Variants in MGAT3 observed in about 807,000 individuals in gnomAD.
MGAT3 encodes GlcNAc-T III.
In MGAT3, 9 loss-of-function variants were observed where a neutral mutation model predicts 29.8. That is an observed-to-expected ratio of 0.30 (90% CI 0.18 to 0.53). The LOEUF (loss-of-function observed/expected upper bound fraction) is 0.53. Among genes scored for constraint, MGAT3 ranks in the 20% least tolerant of loss-of-function variants. The pLI is 0.96. For synonymous variants in MGAT3, 397 were observed against 348.9 expected (o/e 1.14, Z -1.54); for missense variants, 557 against 769.5 (o/e 0.72, Z 3.27).
At chr22:39,459,188 C>T (rs1568997731) in intron 1 of MGAT3, among the ~76,000 whole-genome samples, 1 of 151,986 alleles carries the variant, frequency 6.6e-6, no homozygotes, top group African/African-American at 2.4e-5. Flanking sequence ...ATTGTCCCAC[C>T]TCGGCCTCCC....
At chr22:39,486,147 T>G in intron 1 of MGAT3, 1 of 171,842 alleles carries the variant, frequency 5.8e-6, no homozygotes, top group Admixed American at 7.1e-5. Flanking sequence ...ACCTCAAATT[T>G]TTTTTTTTTT....
chr22:39,488,836 C>T lies in MGAT3; in HGVS notation c.1489C>T (p.Leu497=), dbSNP rs763651775. 1.9e-6 allele frequency: 3 copies of T among 1,608,916 alleles called. No individual in the cohort carries two copies. Among genetic ancestry groups the T allele is most frequent in the Non-Finnish European group, 1.7e-6 (2 of 1,177,820 alleles). Residue 497 remains leucine (L), a synonymous_variant, in exon 2 of 2, where the codon CTG becomes TTG. Transcript: ENST00000341184. ...LLKNYDRFHY[L]LDNPYQEPRS... ...GAAGAACTACGACCGGTTCCACTAC[C>T]TGCTGGACAACCCCTACCAGGAGCC...
In MGAT3 at chr22:39,459,967, G is replaced by A. The variant is rs573217277; in HGVS notation, c.-2+2410G>A. On this transcript the variant is annotated intron_variant, in intron 1 of 1. Coordinates refer to ENST00000341184, the MANE Select transcript of MGAT3 (RefSeq NM_002409.5). ...GAGAGGGCTGGGCTGGACGTGAACG[G>A]CAGAGAGCTGAGGGTGGGGGAACTG... Among the ~76,000 whole-genome samples the A allele has an allele frequency of 2.0e-5, 3 of 152,372 alleles. No individual in the cohort carries two copies. In the South Asian group the frequency reaches 6.2e-4, roughly 32 times the overall value.
In MGAT3 at chr22:39,488,033, G is replaced by A; in HGVS notation, c.686G>A (p.Gly229Asp). The A allele has an allele frequency of 4.3e-6, 7 of 1,613,318 alleles. No homozygotes were observed. Among genetic ancestry groups the A allele is most frequent in the Non-Finnish European group, 5.9e-6 (7 of 1,179,850 alleles). Residue 229 changes from glycine (G) to aspartate (D), a missense_variant, in exon 2 of 2, where the codon GGC becomes GAC. By Grantham distance (94) the Gly-to-Asp change is moderately conservative (BLOSUM62 -1). Around this residue, in one of 3 missense-constraint regions of MGAT3, gnomAD observed 243 missense variants for 444.0 expected, o/e 0.55. Transcript: ENST00000341184. ...CTGGACGTGCGCTTCCACGAGCTGG[G>A]CGACGTGGTGGACGCCTTTGTGGTG... is the stretch of plus-strand genomic sequence containing the variant. ...DLLDVRFHEL[G>D]DVVDAFVVCE...
chr22:39,462,884 G>A (rs965575473), intron 1 of MGAT3, among the ~76,000 whole-genome samples: 19 of 152,292 alleles, frequency 1.2e-4, no homozygotes, highest in Middle Eastern at 3.4e-3. Flanking sequence ...GGTTCTTACC[G>A]AAGTGGGAAT....
chr22:39,490,373 T>C lies in MGAT3; in HGVS notation c.*1424T>C, dbSNP rs114281878. ...GGCCACAAGCAGCTGCTAGGGAACCTGGGAAGTGTAGTCTTCAGCGGGGCC... is the reference window on the plus strand; with the variant it reads ...GGCCACAAGCAGCTGCTAGGGAACCCGGGAAGTGTAGTCTTCAGCGGGGCC... On this transcript the variant is annotated 3_prime_UTR_variant, in exon 2 of 2. Coordinates refer to ENST00000341184, the MANE Select transcript of MGAT3 (RefSeq NM_002409.5). 5.6e-4 allele frequency: 94 copies of C among 167,208 alleles called. No homozygotes were observed. Among genetic ancestry groups the C allele is most frequent in the African/African-American group, 2.2e-3 (92 of 41,580 alleles). 10.4% of individuals were successfully genotyped at this position (167,208 alleles called of 1,614,324 possible).
At chr22:39,474,559 C>T (rs902619757) in intron 1 of MGAT3, among the ~76,000 whole-genome samples, 1 of 152,226 alleles carries the variant, frequency 6.6e-6, no homozygotes, top group Admixed American at 6.5e-5. Context: ...CCCCAAGCAC[C>T]TTCCCTGCAC....
At chr22:39,486,592 G>A (rs922988741) in intron 1 of MGAT3, among the ~76,000 whole-genome samples, 1 of 152,104 alleles carries the variant, frequency 6.6e-6, no homozygotes, top group Non-Finnish European at 1.5e-5. Flanking sequence ...CCTCAACCTC[G>A]AGGTCTCAAG....
chr22:39,481,549 GTGAA>G (rs1929127702), intron 1 of MGAT3, among the ~76,000 whole-genome samples: 1 of 152,228 alleles, frequency 6.6e-6, no homozygotes, highest in Non-Finnish European at 1.5e-5. Context: ...TCGTTGCTGA[GTGAA>G]TGAGTGACGT....
At position 39,457,913 on chromosome 22, in the gene MGAT3, C is replaced by T. The variant is rs1197899891; in HGVS notation, c.-2+356C>T. Among the ~76,000 whole-genome samples, 1 of 151,586 alleles carries T rather than the reference C, an allele frequency of 6.6e-6. No homozygotes were observed. The highest frequency in any genetic ancestry group is 1.5e-5 in the Non-Finnish European group (1 of 67,868). On this transcript the variant is annotated intron_variant, in intron 1 of 1. Transcript: ENST00000341184. The surrounding 1 kb of genome is among the most constrained non-coding windows in gnomAD (Gnocchi z 6.8). ...GTGCGCGGCACCCCCCAGCCTCCGGCGCGGCTCCCCCACAACCTCCGGCGC... is the reference window on the plus strand; with the variant it reads ...GTGCGCGGCACCCCCCAGCCTCCGGTGCGGCTCCCCCACAACCTCCGGCGC...
chr22:39,471,289 A>G (rs1302131308), intron 1 of MGAT3, among the ~76,000 whole-genome samples: 1 of 152,088 alleles, frequency 6.6e-6, no homozygotes, highest in Non-Finnish European at 1.5e-5. Flanking sequence ...AGGGAGCTGA[A>G]AGCCCGAAGT....
chr22:39,484,942 G>T (rs967260392), intron 1 of MGAT3, among the ~76,000 whole-genome samples: 2 of 152,132 alleles, frequency 1.3e-5, no homozygotes, highest in Non-Finnish European at 2.9e-5. Flanking sequence ...GATGGAAGTT[G>T]CAGCGAGCCA....
chr22:39,457,418 C>A lies in MGAT3; in HGVS notation c.-141C>A, dbSNP rs1292294206. 6.8e-6 allele frequency: 1 copy of A among 147,786 alleles called. No homozygotes were observed. The highest frequency in any genetic ancestry group is 1.5e-5 in the Non-Finnish European group (1 of 66,004). The allele number at this position is 147,786 out of a possible 1,614,324, so 9.2% of individuals were successfully genotyped here. On this transcript the variant is annotated 5_prime_UTR_variant, in exon 1 of 2. Transcript: ENST00000341184. This position sits in a 1 kb window ranked among gnomAD's most constrained non-coding sequence, Gnocchi z 6.8. ...CGCGCTGCCTGCGATGCCGGGCGCC[C>A]GCCGCAGCCGCTGCCGCCGGAGCCC...
At position 39,488,797 on chromosome 22, in the gene MGAT3, C is replaced by G. The variant is rs1302565684; in HGVS notation, c.1450C>G (p.Pro484Ala). The change falls in exon 2 of 2, where the codon CCC (proline) becomes GCC (alanine). Residue 484 changes from proline (P) to alanine (A), a missense_variant. Pro to Ala is a conservative substitution (Grantham distance 27, BLOSUM62 -1). This residue lies in a region of MGAT3 where 102 missense variants were observed against 97.0 expected (regional missense o/e 1.05). Transcript: ENST00000341184. Reference protein sequence around the residue: ...PADPSEHMYAPKYLLKNYDRF... With the variant: ...PADPSEHMYAAKYLLKNYDRF... ...AGACCCCAGCGAGCACATGTATGCG[C>G]CCAAGTACCTGCTGAAGAACTACGA... 1 of 1,611,172 alleles carries G rather than the reference C, an allele frequency of 6.2e-7. No homozygotes were observed. Among genetic ancestry groups the G allele is most frequent in the Non-Finnish European group, 8.5e-7 (1 of 1,178,802 alleles).
chr22:39,484,993 A>G (rs1248485439), intron 1 of MGAT3, among the ~76,000 whole-genome samples: 3 of 151,954 alleles, frequency 2.0e-5, no homozygotes. Context: ...ACAGAGTGAG[A>G]CCCTGTCTCA....
intron 1 of MGAT3, among the ~76,000 whole-genome samples, chr22:39,483,213 G>C (rs1320842313): frequency 1.3e-5 from 2 of 152,190 alleles, no homozygotes; most frequent in Admixed American, 1.3e-4. Flanking sequence ...AGCCCACTAA[G>C]GCTAGGCACA....
At chr22:39,468,759 C>T (rs1280175291) in intron 1 of MGAT3, among the ~76,000 whole-genome samples, 1 of 151,780 alleles carries the variant, frequency 6.6e-6, no homozygotes, top group African/African-American at 2.4e-5. Context: ...GTGCTTGAGG[C>T]TGGGGACCCA....
rs147660523 is a variant in MGAT3, at chr22:39,470,161, C to T, written c.-2+12604C>T. Among the ~76,000 whole-genome samples, 592 of 152,214 alleles carry T rather than the reference C, an allele frequency of 3.9e-3. 2 individuals carry two copies. Among genetic ancestry groups the T allele is most frequent in the African/African-American group, 0.014 (573 of 41,542 alleles). ...TGTGGCCTCGCCAGCAGGGTGAGGGCGGGGCAGACGTAAACAACAAAGTGG... is the reference window on the plus strand; with the variant it reads ...TGTGGCCTCGCCAGCAGGGTGAGGGTGGGGCAGACGTAAACAACAAAGTGG... On this transcript the variant is annotated intron_variant, in intron 1 of 1. Transcript: ENST00000341184.
chr22:39,481,404 T>C (rs1929123149), intron 1 of MGAT3, among the ~76,000 whole-genome samples: 1 of 152,168 alleles, frequency 6.6e-6, no homozygotes, highest in South Asian at 2.1e-4. Flanking sequence ...CTGACTAGTG[T>C]GTTTGTAGTT....
Sources: allele counts gnomAD v4.1 joint callset (sites outside exome capture counted in the v4.1 genomes callset), GRCh38; gene constraint gnomAD v4.1.1; regional missense constraint gnomAD v4.1.1; non-coding constraint Gnocchi (gnomAD v3.1); transcripts MANE v1.5; gene names NCBI Gene and HGNC (gene_info 2026-07-23, HGNC 2026-07-21).